Variants in RGR observed in about 807,000 individuals in gnomAD.
RGR encodes the protein RPE-retinal G protein-coupled receptor.
A neutral mutation model predicts 28.6 loss-of-function variants in RGR; 30 were observed. The ratio of observed to expected loss-of-function variants is 1.05; its 90% CI spans 0.78 to 1.42. RGR has a LOEUF of 1.42. Ranked by LOEUF, RGR falls within the 40% of genes most tolerant of loss-of-function variation. RGR has a pLI of 0.00. For missense variants in RGR, 404 were observed against 375.6 expected, an observed-to-expected ratio of 1.08 and a Z score of -0.62; for synonymous variants, 180 against 156.4, an observed-to-expected ratio of 1.15 and a Z score of -1.13.
chr10:84,255,913 G>A (rs150005362), intron 5 of RGR, among the ~76,000 whole-genome samples: 83 of 150,270 alleles, frequency 5.5e-4, no homozygotes, highest in African/African-American at 1.9e-3. Context: ...TGGTAGAGAC[G>A]GGGTTTCTCC....
chr10:84,245,342 C>T (rs1056502310), intron 1 of RGR, among the ~76,000 whole-genome samples, 173 bp downstream of exon 1: 2 of 152,180 alleles, frequency 1.3e-5, no homozygotes, highest in African/African-American at 4.8e-5. Flanking sequence ...GACAATTGAA[C>T]CTGTGAGGTG....
intron 3 of RGR, 28 bp downstream of exon 3, chr10:84,249,071 G>A (rs1193553714): frequency 5.0e-6 from 8 of 1,613,174 alleles, no homozygotes; most frequent in Non-Finnish European, 6.8e-6. Flanking sequence ...TGGAGTGGAG[G>A]GACACCGATG....
chr10:84,255,111 A>G (rs1286674854), intron 5 of RGR: 3 of 156,810 alleles, frequency 1.9e-5, no homozygotes, highest in Non-Finnish European at 2.8e-5. Context: ...CCTCAAGAGC[A>G]GCAGTAATTT....
intron 5 of RGR, among the ~76,000 whole-genome samples, chr10:84,257,472 T>G (rs1302647612): frequency 6.6e-6 from 1 of 152,120 alleles, no homozygotes; most frequent in South Asian, 2.1e-4. Flanking sequence ...CAGTGGCTCA[T>G]GCTTGTAATC....
chr10:84,249,146 G>A, intron 3 of RGR, 103 bp downstream of exon 3: 2 of 1,522,900 alleles, frequency 1.3e-6, no homozygotes, highest in Non-Finnish European at 9.0e-7. Context: ...GTGTTTCCCA[G>A]TACAGGGAAG....
At chr10:84,257,327 CG>C (rs1842900843) in intron 5 of RGR, among the ~76,000 whole-genome samples, 1 of 152,182 alleles carries the variant, frequency 6.6e-6, no homozygotes, top group Admixed American at 6.5e-5. Flanking sequence ...AGGGTGGTCT[CG>C]CCGGGTGGCT....
chr10:84,248,610 A>G (rs1842776589), intron 2 of RGR: 1 of 481,804 alleles, frequency 2.1e-6, no homozygotes, highest in Non-Finnish European at 3.8e-6. Context: ...TGCCTCTTTG[A>G]ATGTCAGTTT....
Position 84,245,070 on chromosome 10 carries a change from T to C in RGR, c.-21T>C. 4 of 1,612,896 alleles carry C rather than the reference T, an allele frequency of 2.5e-6. No homozygotes were observed. Among genetic ancestry groups the C allele is most frequent in the Non-Finnish European group, 3.4e-6 (4 of 1,179,340 alleles). On this transcript the variant is annotated 5_prime_UTR_variant, in exon 1 of 7. Coordinates refer to ENST00000652092, the MANE Select transcript of RGR (RefSeq NM_001012720.2). ...GGGAAGCCAGAGACAGCTGGGCCACTGGCAGTGAGGGAGAGTGAGGATGGC... is the reference window on the plus strand; with the variant it reads ...GGGAAGCCAGAGACAGCTGGGCCACCGGCAGTGAGGGAGAGTGAGGATGGC...
chr10:84,254,517 T>C (rs1030814104), intron 5 of RGR, 74 bp downstream of exon 5: 13 of 1,244,308 alleles, frequency 1.0e-5, no homozygotes, highest in South Asian at 3.6e-5. Context: ...GAACAAAGAA[T>C]TGGATGTGAC....
intron 3 of RGR, among the ~76,000 whole-genome samples, chr10:84,251,246 T>A (rs758544803): frequency 4.0e-4 from 61 of 152,246 alleles, no homozygotes; most frequent in Middle Eastern, 3.4e-3. Context: ...AAAATTTTTT[T>A]AAAAAAAGAC....
chr10:84,246,415 T>C (rs1327384892), intron 1 of RGR, among the ~76,000 whole-genome samples: 1 of 152,094 alleles, frequency 6.6e-6, no homozygotes, highest in African/African-American at 2.4e-5. Flanking sequence ...CCAGAGTCCA[T>C]TGTGTCCTCT....
rs542102571 is a variant in RGR at position 84,256,797 on chromosome 10, T to A, written c.631-1096T>A. Among the ~76,000 whole-genome samples, 5 of 152,226 alleles carry A rather than the reference T, an allele frequency of 3.3e-5. No individual in the cohort carries two copies. The South Asian group carries it at 1.0e-3, about 32-fold the overall frequency. On this transcript the variant is annotated intron_variant, in intron 5 of 6. Coordinates refer to ENST00000652092, the MANE Select transcript of RGR (RefSeq NM_001012720.2). ...AGACAAGGCTGCCACCATGATCTCC[T>A]CATTTTTCTGCGTTGACTTTAAACC...
In RGR at chr10:84,249,046, A is replaced by T; in HGVS notation, c.358+3A>T. 1 of 1,613,850 alleles carries T rather than the reference A, an allele frequency of 6.2e-7. No individual in the cohort carries two copies. Among genetic ancestry groups the T allele is most frequent in the Non-Finnish European group, 8.5e-7 (1 of 1,179,800 alleles). ...GCGTTATCACCACTACTGCACCCGT[A>T]TGTATCTGGGCTCCTGGAGTGGAGG... On this transcript the variant is annotated splice_donor_region_variant and intron_variant, in intron 3 of 6. Transcript: ENST00000652092.
In RGR at chr10:84,257,994, C is replaced by A. The variant is rs1270652283; in HGVS notation, c.732C>A (p.Pro244=). ...TCGCAGACGTGACTTCCATCTCCCC[C>A]AAACTGCAGATGGTACAGATACTTC... is the stretch of plus-strand genomic sequence containing the variant. The part of the protein sequence containing the change: ...AVIADVTSIS[P]KLQMVPALIA... Residue 244 remains proline (P), a synonymous_variant, in exon 6 of 7, where the codon CCC becomes CCA. Transcript: ENST00000652092. The A allele has an allele frequency of 3.1e-6, 5 of 1,613,968 alleles. No individual in the cohort carries two copies. Among genetic ancestry groups the A allele is most frequent in the Non-Finnish European group, 4.2e-6 (5 of 1,179,834 alleles).
intron 1 of RGR, among the ~76,000 whole-genome samples, chr10:84,245,392 A>G (rs1216730702): frequency 5.9e-5 from 9 of 152,160 alleles, no homozygotes; most frequent in Non-Finnish European, 1.3e-4. Context: ...AAGCCAGGCA[A>G]GGGTCAGGGA....
chr10:84,247,935 CAG>C (rs1041864280), intron 2 of RGR, 188 bp downstream of exon 2: 11 of 874,052 alleles, frequency 1.3e-5, no homozygotes, highest in East Asian at 5.4e-5. Context: ...TTCTGGAAGA[CAG>C]GGGTTGCTGA....
rs952487983 is a variant in RGR, at chr10:84,257,589, C to T, written c.631-304C>T. Among the ~76,000 whole-genome samples the T allele has an allele frequency of 1.7e-4, 26 of 152,218 alleles. 1 individual carries two copies. The highest frequency in any genetic ancestry group is 1.5e-5 in the Non-Finnish European group (1 of 68,042). On this transcript the variant is annotated intron_variant, in intron 5 of 6. Transcript: ENST00000652092. ...TTCTGTATTTGACAAACAAAGAGTA[C>T]AGACCCAGGAGGAAGCGCTCATTAT...
chr10:84,251,130 G>C (rs1010605867), intron 3 of RGR, among the ~76,000 whole-genome samples: 9 of 151,624 alleles, frequency 5.9e-5, no homozygotes, highest in African/African-American at 2.2e-4. Context: ...AGCTACTTGA[G>C]AGGCTGAGGA....
chr10:84,255,400 G>C (rs1378827956), intron 5 of RGR: 1 of 152,184 alleles, frequency 6.6e-6, no homozygotes, highest in Non-Finnish European at 1.5e-5. Flanking sequence ...GTGAGGTTTG[G>C]CACAAAGTTA....
Sources: gnomAD v4.1 joint callset for allele counts (sites outside exome capture counted in the v4.1 genomes callset) on GRCh38, gnomAD v4.1.1 for gene constraint, MANE v1.5 for transcripts, NCBI Gene and HGNC (gene_info 2026-07-23, HGNC 2026-07-21) for gene names.